GRIA2: variants seen among roughly 807,000 people sequenced by gnomAD.
GRIA2 encodes the protein glutamate ionotropic receptor AMPA type subunit 2, also known as glutamate receptor 2.
In GRIA2, 14 loss-of-function variants were observed where a neutral mutation model predicts 97.3. The observed-to-expected ratio is 0.14, with a 90% CI of 0.10 to 0.23. The LOEUF (loss-of-function observed/expected upper bound fraction) is 0.23. Among genes scored for constraint, GRIA2 ranks in the 10% least tolerant of loss-of-function variants. The probability of loss-of-function intolerance (pLI) is 1.00; values close to 1 mark genes in which losing one functional copy is unlikely to be tolerated. For missense variants in GRIA2, 558 were observed against 1,069.8 expected, an observed-to-expected ratio of 0.52 and a Z score of 6.67; for synonymous variants, 412 against 387.8, an observed-to-expected ratio of 1.06 and a Z score of -0.73.
intron 12 of GRIA2, chr4:157,342,401 G>A (rs1267269838): frequency 1.9e-5 from 19 of 984,132 alleles, no homozygotes; most frequent in Non-Finnish European, 2.3e-5. Flanking sequence ...GAGTGGGGGT[G>A]GTAGAACCAT....
intron 6 of GRIA2, among the ~76,000 whole-genome samples, chr4:157,323,543 A>G (rs1240523281): frequency 2.0e-5 from 3 of 151,930 alleles, no homozygotes; most frequent in African/African-American, 4.8e-5. Context: ...AGATGGTGCC[A>G]TGTAAGTTCT....
intron 2 of GRIA2, among the ~76,000 whole-genome samples, chr4:157,230,786 T>G (rs1729976826): frequency 6.6e-6 from 1 of 152,088 alleles, no homozygotes; most frequent in African/African-American, 2.4e-5. Context: ...TAGTTATTAT[T>G]TCTAGAGGGA....
chr4:157,359,631 A>G (rs1348827645), intron 12 of GRIA2, among the ~76,000 whole-genome samples: 1 of 152,088 alleles, frequency 6.6e-6, no homozygotes, highest in African/African-American at 2.4e-5. Context: ...TTGGATTGTG[A>G]CTATTTCAGA....
Position 157,258,280 on chromosome 4 carries a change from C to T in GRIA2, c.229+36473C>T, listed in dbSNP as rs372196416. Among the ~76,000 whole-genome samples, 38 of 152,132 alleles carry T rather than the reference C, an allele frequency of 2.5e-4. No homozygotes were observed. The East Asian group carries it at 6.0e-3, about 24-fold the overall frequency. On this transcript the variant is annotated intron_variant, in intron 2 of 15. Transcript: ENST00000264426. ...TCAAAAGCAAATAGGAGAAATATTA[C>T]TGAATTCTTTTTCTCAGCAAGAAAC...
intron 6 of GRIA2, among the ~76,000 whole-genome samples, chr4:157,330,307 TG>T (rs1734992871): frequency 1.3e-5 from 2 of 151,938 alleles, no homozygotes; most frequent in Admixed American, 1.3e-4. Flanking sequence ...TAAATTCAAG[TG>T]TTAAAGAAAA....
chr4:157,260,494 A>G (rs1250964488), intron 2 of GRIA2, among the ~76,000 whole-genome samples: 1 of 152,072 alleles, frequency 6.6e-6, no homozygotes, highest in East Asian at 1.9e-4. Context: ...CCAAGTCCCC[A>G]ATCCTAGCAC....
intron 12 of GRIA2, among the ~76,000 whole-genome samples, chr4:157,355,638 ATATT>A (rs1347001853): frequency 1.5e-5 from 2 of 133,688 alleles, no homozygotes; most frequent in East Asian, 2.1e-4. Context: ...TTATTTATAT[ATATT>A]TATTTATATA....
intron 2 of GRIA2, among the ~76,000 whole-genome samples, chr4:157,301,103 G>A (rs1368902390): frequency 1.3e-5 from 2 of 152,092 alleles, no homozygotes; most frequent in Non-Finnish European, 2.9e-5. Context: ...GCAGGGAAAT[G>A]GAATTAAATA....
intron 11 of GRIA2, among the ~76,000 whole-genome samples, chr4:157,340,997 T>A (rs926112951): frequency 1.3e-5 from 2 of 152,050 alleles, no homozygotes; most frequent in Non-Finnish European, 2.9e-5. Flanking sequence ...CTTATGGGAT[T>A]CATGTCATAA....
At chr4:157,295,061 T>C (rs562625593) in intron 2 of GRIA2, among the ~76,000 whole-genome samples, 14 of 152,182 alleles carry the variant, frequency 9.2e-5, no homozygotes, top group Non-Finnish European at 1.5e-4. Context: ...ATGAGAATTA[T>C]TGCCTATTAC....
At chr4:157,239,005 G>T (rs1006195184) in intron 2 of GRIA2, among the ~76,000 whole-genome samples, 1 of 151,732 alleles carries the variant, frequency 6.6e-6, no homozygotes. Context: ...TTGTCATTGC[G>T]GTACTTTTTC....
At chr4:157,228,593 G>A (rs1729853523) in intron 2 of GRIA2, among the ~76,000 whole-genome samples, 1 of 151,982 alleles carries the variant, frequency 6.6e-6, no homozygotes, top group African/African-American at 2.4e-5. Context: ...AGGAGTTCAA[G>A]ACCAGGCTGG....
chr4:157,329,276 A>G (rs1734943414), intron 6 of GRIA2, among the ~76,000 whole-genome samples: 1 of 151,962 alleles, frequency 6.6e-6, no homozygotes, highest in African/African-American at 2.4e-5. Context: ...TATTTTGTAA[A>G]AGGATGAAAC....
At chr4:157,333,166 C>T in intron 7 of GRIA2, 83 bp from the exon 8 acceptor site, 1 of 940,816 alleles carries the variant, frequency 1.1e-6, no homozygotes, top group Non-Finnish European at 1.6e-6. Context: ...TTCTTGACTT[C>T]ATCTGGTTAA....
intron 2 of GRIA2, among the ~76,000 whole-genome samples, chr4:157,247,126 A>G (rs1730766208): frequency 6.6e-6 from 1 of 152,150 alleles, no homozygotes; most frequent in South Asian, 2.1e-4. Flanking sequence ...ACATTGGCTG[A>G]ACACATTGTG....
In GRIA2 at chr4:157,364,930, G is replaced by T. The variant is rs1181916729; in HGVS notation, c.*1499G>T. 2 of 151,434 alleles carry T rather than the reference G, an allele frequency of 1.3e-5. No individual in the cohort carries two copies. Among genetic ancestry groups the T allele is most frequent in the Non-Finnish European group, 3.0e-5 (2 of 67,670 alleles). 9.4% of individuals were successfully genotyped at this position (151,434 alleles called of 1,614,324 possible). A position where few individuals can be genotyped will look rare whatever the true frequency, so the allele number is the denominator to read the frequency against. ...TGACTAAAGAGCCTATATTTATCTA[G>T]TTAATGAATTTAAAGGATCTATCTT... On this transcript the variant is annotated 3_prime_UTR_variant, in exon 16 of 16. Coordinates refer to ENST00000264426, the MANE Select transcript of GRIA2 (RefSeq NM_001083619.3).
At chr4:157,297,574 G>T (rs999980843) in intron 2 of GRIA2, among the ~76,000 whole-genome samples, 1 of 151,974 alleles carries the variant, frequency 6.6e-6, no homozygotes, top group East Asian at 1.9e-4. Context: ...AGAGTAACTT[G>T]CCCAATAAAT....
intron 2 of GRIA2, among the ~76,000 whole-genome samples, chr4:157,279,088 A>T: frequency 6.6e-6 from 1 of 152,168 alleles, no homozygotes; most frequent in East Asian, 1.9e-4. Context: ...CATATGATCC[A>T]GCAATCATGC....
intron 2 of GRIA2, among the ~76,000 whole-genome samples, chr4:157,277,317 T>G (rs1350826074): frequency 1.3e-5 from 2 of 151,870 alleles, no homozygotes; most frequent in Non-Finnish European, 2.9e-5. Context: ...GAAAAAGCAT[T>G]TGACAAAATT....
Sources: gnomAD v4.1 joint callset for allele counts (sites outside exome capture counted in the v4.1 genomes callset) on GRCh38, gnomAD v4.1.1 for gene constraint, MANE v1.5 for transcripts, NCBI Gene and HGNC (gene_info 2026-07-23, HGNC 2026-07-21) for gene names.